CLN6: variants seen among roughly 807,000 people sequenced by gnomAD.
CLN6 encodes CLN6 transmembrane ER protein, also known as ceroid-lipofuscinosis neuronal protein 6.
CLN6 carries 22 observed loss-of-function variants against 33.3 expected under a neutral mutation model. That is an observed-to-expected ratio of 0.66 (90% CI 0.47 to 0.94). The LOEUF is 0.94. CLN6 is among the 40% of genes least tolerant of loss of function. The pLI is 0.00. For synonymous variants in CLN6, 201 were observed against 174.6 expected (o/e 1.15, Z -1.19); for missense variants, 387 against 417.1 (o/e 0.93, Z 0.63).
In CLN6 at chr15:68,247,218, A is replaced by G. The variant is rs1489354918; in HGVS notation, c.179+9472T>C. Reference sequence around the variant, plus strand: ...ATCCAATTTGGAAAGGAAGAATTCAAATTAGACTTGTACACAGAAGACATG... The same window carrying G: ...ATCCAATTTGGAAAGGAAGAATTCAGATTAGACTTGTACACAGAAGACATG... On this transcript the variant is annotated intron_variant, in intron 1 of 6. Coordinates refer to the CLN6 transcript ENST00000538696. This position sits in a 1 kb window ranked among gnomAD's most constrained non-coding sequence, Gnocchi z 4.2. Among the ~76,000 whole-genome samples, 2 of 152,148 alleles carry G rather than the reference A, an allele frequency of 1.3e-5. No homozygotes were observed. The highest frequency in any genetic ancestry group is 4.8e-5 in the African/African-American group (2 of 41,388).
Position 68,211,639 on chromosome 15 carries a change from T to TA in CLN6, c.486+35dup. ...AGCCTCCCAGGACAGACTGTGCTCC[T>TA]AGGGCTTACAGGCAGGGAGCAGGAG... On this transcript the variant is annotated intron_variant, in intron 4 of 6. Coordinates refer to ENST00000249806, the MANE Select transcript of CLN6 (RefSeq NM_017882.3). This position sits in a 1 kb window ranked among gnomAD's most constrained non-coding sequence, Gnocchi z 5.9. 6.2e-7 allele frequency: 1 copy of TA among 1,611,612 alleles called. No individual in the cohort carries two copies. The highest frequency in any genetic ancestry group is 8.5e-7 in the Non-Finnish European group (1 of 1,179,956).
At position 68,208,763 on chromosome 15, in the gene CLN6, G is replaced by A. The variant is rs866817985; in HGVS notation, c.666-353C>T. On this transcript the variant is annotated intron_variant, in intron 6 of 6. Transcript: ENST00000249806. The surrounding 1 kb of genome is among the most constrained non-coding windows in gnomAD (Gnocchi z 5.8). ...TGCCATTACGACGGCAGCCACCCCC[G>A]CGGCAGGATGCCGGGGTAAGAACCA... 6.6e-6 allele frequency among the ~76,000 whole-genome samples: 1 copy of A among 152,220 alleles called. No individual in the cohort carries two copies. Among genetic ancestry groups the A allele is most frequent in the African/African-American group, 2.4e-5 (1 of 41,464 alleles).
intron 1 of CLN6, among the ~76,000 whole-genome samples, 189 bp downstream of exon 1, chr15:68,229,313 G>GGCAGAGAAGGAA (rs2093261275): frequency 6.7e-6 from 1 of 148,850 alleles, no homozygotes; most frequent in Non-Finnish European, 1.5e-5. Flanking sequence ...AGGCTCCCCA[G>GGCAGAGAAGGAA]ACAGAGAAGG....
chr15:68,226,536 G>A (rs1348081864), intron 1 of CLN6, among the ~76,000 whole-genome samples: 1 of 151,760 alleles, frequency 6.6e-6, no homozygotes, highest in East Asian at 1.9e-4. Context: ...GCGCGATCTT[G>A]GCCCACCGCA....
In CLN6 at chr15:68,247,427, AAACAAC is replaced by A. The variant is rs1049641377; in HGVS notation, c.179+9257_179+9262del. ...ATTTATAATAGCTGCAAAAACAAAC[AAACAAC>A]AACAACAACAACAAAACCTAGGAAT... On this transcript the variant is annotated intron_variant, in intron 1 of 6. Coordinates refer to the CLN6 transcript ENST00000538696. The surrounding 1 kb of genome is among the most constrained non-coding windows in gnomAD (Gnocchi z 4.2). 6.6e-6 allele frequency among the ~76,000 whole-genome samples: 1 copy of A among 152,044 alleles called. No homozygotes were observed. Among genetic ancestry groups the A allele is most frequent in the African/African-American group, 2.4e-5 (1 of 41,364 alleles).
chr15:68,232,410 G>A (rs567347293), upstream of CLN6, among the ~76,000 whole-genome samples: 69 of 152,268 alleles, frequency 4.5e-4, no homozygotes, highest in African/African-American at 1.5e-3. This position sits in a 1 kb window ranked among gnomAD's most constrained non-coding sequence, Gnocchi z 4.7. Flanking sequence ...GCCCGCCTTA[G>A]TCTCTCAAAG....
At chr15:68,235,833 G>A (rs1469701205) in intron 1 of CLN6, among the ~76,000 whole-genome samples, 1 of 152,006 alleles carries the variant, frequency 6.6e-6, no homozygotes, top group Non-Finnish European at 1.5e-5. Context: ...TTAAGCACCT[G>A]TTAGATTTCA....
chr15:68,234,888 G>A lies in CLN6; in HGVS notation c.180-16238C>T, dbSNP rs903463145. Among the ~76,000 whole-genome samples, 2 of 152,134 alleles carry A rather than the reference G, an allele frequency of 1.3e-5. No individual in the cohort carries two copies. Among genetic ancestry groups the A allele is most frequent in the African/African-American group, 4.8e-5 (2 of 41,436 alleles). ...AACAATTAGCTGGGCATGGTGGCAG[G>A]TGCCTGTAATCCCAGCTACTCGGGA... On this transcript the variant is annotated intron_variant, in intron 1 of 6. Transcript: ENST00000538696. The surrounding 1 kb of genome is among the most constrained non-coding windows in gnomAD (Gnocchi z 4.1).
Position 68,208,000 on chromosome 15 carries a change from G to GA in CLN6, c.*139dup. On this transcript the variant is annotated 3_prime_UTR_variant, in exon 7 of 7. Coordinates refer to ENST00000249806, the MANE Select transcript of CLN6 (RefSeq NM_017882.3). ...ACAAGACACACACACACACACACAC[G>GA]AATCCACGCACACGAGGCACACCCC... 1 of 761,928 alleles carries GA rather than the reference G, an allele frequency of 1.3e-6. No homozygotes were observed. The highest frequency in any genetic ancestry group is 1.7e-5 in the South Asian group (1 of 60,330). The allele number at this position is 761,928 out of a possible 1,614,324, so 47.2% of individuals were successfully genotyped here. A position where few individuals can be genotyped will look rare whatever the true frequency, so the allele number is the denominator to read the frequency against.
Position 68,220,301 on chromosome 15 carries a change from T to C in CLN6, c.84-1651A>G, listed in dbSNP as rs960523181. ...TATCTCATCTAATCCACGCATCTGC[T>C]TTACAGATGAGGATACTGAGGCTTA... On this transcript the variant is annotated intron_variant, in intron 1 of 6. Coordinates refer to ENST00000249806, the MANE Select transcript of CLN6 (RefSeq NM_017882.3). This position sits in a 1 kb window ranked among gnomAD's most constrained non-coding sequence, Gnocchi z 4.2. Among the ~76,000 whole-genome samples the C allele has an allele frequency of 1.3e-5, 2 of 152,246 alleles. No individual in the cohort carries two copies. Among genetic ancestry groups the C allele is most frequent in the Non-Finnish European group, 2.9e-5 (2 of 68,052 alleles).
chr15:68,237,121 C>T (rs938430154), intron 1 of CLN6, among the ~76,000 whole-genome samples: 3 of 133,068 alleles, frequency 2.3e-5, no homozygotes, highest in African/African-American at 8.6e-5. Flanking sequence ...TGCGCCACTG[C>T]AGTCCGCAAT....
Position 68,211,772 on chromosome 15 carries a change from C to T in CLN6, c.389G>A (p.Gly130Asp). 1 of 1,613,788 alleles carries T rather than the reference C, an allele frequency of 6.2e-7. No individual in the cohort carries two copies. The highest frequency in any genetic ancestry group is 8.5e-7 in the Non-Finnish European group (1 of 1,179,868). ...FIMGASIHLV[G>D]DSVNHRLLFS... ...GAGCAGGCGGTGGTTGACAGAGTCA[C>T]CCACCAGGTGGATGCTGGCACCCAT... The change falls in exon 4 of 7, where the codon GGT (glycine) becomes GAT (aspartate). Residue 130 changes from glycine to aspartate, a missense_variant. Gly to Asp is a moderately conservative substitution (Grantham distance 94). Coordinates refer to ENST00000249806, the MANE Select transcript of CLN6 (RefSeq NM_017882.3). The surrounding 1 kb of genome is among the most constrained non-coding windows in gnomAD (Gnocchi z 5.9).
At position 68,211,200 on chromosome 15, in the gene CLN6, G is replaced by T; in HGVS notation, c.542+63C>A. ...ACAGCCTTGCTCAGTGTGTCCCTGA[G>T]CCAGTGACAGGGCTAGCCGGTAGTT... On this transcript the variant is annotated intron_variant, in intron 5 of 6. Transcript: ENST00000249806. The surrounding 1 kb of genome is among the most constrained non-coding windows in gnomAD (Gnocchi z 5.9). The T allele has an allele frequency of 7.2e-7, 1 of 1,396,498 alleles. No individual in the cohort carries two copies. The highest frequency in any genetic ancestry group is 1.0e-6 in the Non-Finnish European group (1 of 981,448). The allele number at this position is 1,396,498 out of a possible 1,614,324, so 86.5% of individuals were successfully genotyped here.
intron 1 of CLN6, among the ~76,000 whole-genome samples, chr15:68,244,446 A>C (rs1892309626): frequency 6.6e-6 from 1 of 152,124 alleles, no homozygotes; most frequent in Non-Finnish European, 1.5e-5. Context: ...CCATCCAAGA[A>C]TACTATATCC....
chr15:68,253,757 G>T (rs568055001), intron 1 of CLN6, among the ~76,000 whole-genome samples: 24 of 152,244 alleles, frequency 1.6e-4, no homozygotes, highest in African/African-American at 5.8e-4. Flanking sequence ...TTTAGCCGCC[G>T]ATATTATGCC....
upstream of CLN6, among the ~76,000 whole-genome samples, chr15:68,230,450 G>A (rs1004481187): frequency 1.3e-5 from 2 of 152,138 alleles, no homozygotes; most frequent in African/African-American, 4.8e-5. The surrounding 1 kb of genome is among the most constrained non-coding windows in gnomAD (Gnocchi z 4.0). Flanking sequence ...GTGAGTCACC[G>A]GAGCATACAA....
intron 2 of CLN6, among the ~76,000 whole-genome samples, chr15:68,217,081 C>A (rs1238651112): frequency 6.6e-6 from 1 of 152,196 alleles, no homozygotes; most frequent in Non-Finnish European, 1.5e-5. Context: ...AGTAAACATT[C>A]GATGTTAGCC....
rs1214087259 is a variant in CLN6 at position 68,207,608 on chromosome 15, AT to A, written c.*531del. On this transcript the variant is annotated 3_prime_UTR_variant, in exon 7 of 7. Coordinates refer to ENST00000249806, the MANE Select transcript of CLN6 (RefSeq NM_017882.3). ...TGACCTACTTTGGGACCACAGGCCC[AT>A]CTAGTGCAAATGAGGCCCAGAAAGG... 1.5e-5 allele frequency: 3 copies of A among 197,494 alleles called. No homozygotes were observed. The highest frequency in any genetic ancestry group is 3.2e-5 in the Non-Finnish European group (3 of 94,746). The allele number at this position is 197,494 out of a possible 1,614,324, so 12.2% of individuals were successfully genotyped here.
At chr15:68,235,519 G>A (rs1484966530) in intron 1 of CLN6, among the ~76,000 whole-genome samples, 3 of 150,060 alleles carry the variant, frequency 2.0e-5, no homozygotes, top group Non-Finnish European at 1.5e-5. Flanking sequence ...GCATTGAGCC[G>A]AGATCGTGCC....
Sources: gnomAD v4.1 joint callset for allele counts (sites outside exome capture counted in the v4.1 genomes callset) on GRCh38, gnomAD v4.1.1 for gene constraint, Gnocchi (gnomAD v3.1) non-coding constraint, MANE v1.5 for transcripts, NCBI Gene and HGNC (gene_info 2026-07-23, HGNC 2026-07-21) for gene names.